Variants in LTF observed in about 807,000 individuals in gnomAD.
LTF encodes the protein lactotransferrin.
LTF carries 91 observed loss-of-function variants against 87.2 expected under a neutral mutation model. The ratio of observed to expected loss-of-function variants is 1.04; its 90% CI spans 0.88 to 1.24. The LOEUF is 1.24. Ranked by LOEUF, LTF falls within the 50% of genes most tolerant of loss-of-function variation. LTF has a pLI of 0.00. For synonymous variants in LTF, 378 were observed against 356.1 expected (o/e 1.06, Z -0.69); for missense variants, 901 against 904.3 (o/e 1.00, Z 0.05).
At chr3:46,482,663 G>GA (rs1559614838) in intron 1 of LTF, among the ~76,000 whole-genome samples, 1 of 27,100 alleles carries the variant, frequency 3.7e-5, no homozygotes, top group Non-Finnish European at 7.4e-5. Flanking sequence ...AAAGAAAGAA[G>GA]GAAGGAAGGA....
intron 1 of LTF, among the ~76,000 whole-genome samples, chr3:46,482,695 G>GGAAGGAAA (rs1559614898): frequency 8.7e-6 from 1 of 114,500 alleles, no homozygotes; most frequent in East Asian, 2.9e-4. Flanking sequence ...AAGGAAGGAA[G>GGAAGGAAA]GAAGGAAGGA....
intron 13 of LTF, among the ~76,000 whole-genome samples, chr3:46,442,867 C>T (rs1008674732): frequency 4.6e-5 from 7 of 152,152 alleles, no homozygotes; most frequent in Admixed American, 2.6e-4. Context: ...AAGCAACACC[C>T]GGATGAATGG....
intron 2 of LTF, among the ~76,000 whole-genome samples, 192 bp downstream of exon 2, chr3:46,459,464 A>G (rs1285161003): frequency 6.6e-6 from 1 of 152,254 alleles, no homozygotes; most frequent in Non-Finnish European, 1.5e-5. Context: ...TTCCTCACAC[A>G]TGGTCTCTTG....
intron 12 of LTF, 104 bp from the exon 13 acceptor site, chr3:46,443,686 C>T: frequency 9.4e-7 from 1 of 1,062,292 alleles, no homozygotes; most frequent in Non-Finnish European, 1.4e-6. Flanking sequence ...TTAGACTTCC[C>T]AGGACAGCAA....
chr3:46,484,321 C>T (rs917344461), intron 1 of LTF, among the ~76,000 whole-genome samples: 72 of 152,210 alleles, frequency 4.7e-4, no homozygotes, highest in African/African-American at 1.7e-3. Context: ...CTTTGGGGAA[C>T]ATCTTCTGAA....
At chr3:46,458,221 ATC>A (rs1394316057) in intron 2 of LTF, among the ~76,000 whole-genome samples, 1 of 152,214 alleles carries the variant, frequency 6.6e-6, no homozygotes, top group African/African-American at 2.4e-5. Context: ...ATTTTAGAAT[ATC>A]TGTTTGTTTC....
Position 46,450,537 on chromosome 3 carries a change from A to C in LTF, c.840T>G (p.Asn280Lys), listed in dbSNP as rs1702777266. 1.2e-6 allele frequency: 2 copies of C among 1,613,888 alleles called. No individual in the cohort carries two copies. Among genetic ancestry groups the C allele is most frequent in the South Asian group, 1.1e-5 (1 of 91,064 alleles). Residue 280 changes from asparagine to lysine, a missense_variant, in exon 7 of 17, where the codon AAT (asparagine) becomes AAG (lysine). By Grantham distance (94) the Asn-to-Lys change is moderately conservative. Coordinates refer to ENST00000231751, the MANE Select transcript of LTF (RefSeq NM_002343.6). Reference sequence around the variant, plus strand: ...GATTCCAGATGGCATCCTCCTTGCCATTCACACTTCGTGCCACAACGGCAT... The same window carrying C: ...GATTCCAGATGGCATCCTCCTTGCCCTTCACACTTCGTGCCACAACGGCAT... Reference protein sequence around the residue: ...PSHAVVARSVNGKEDAIWNLL... With the variant: ...PSHAVVARSVKGKEDAIWNLL...
intron 5 of LTF, 93 bp from the exon 6 acceptor site, chr3:46,454,453 T>C: frequency 1.8e-6 from 2 of 1,103,876 alleles, no homozygotes; most frequent in Non-Finnish European, 1.4e-6. Context: ...CATCTATGGG[T>C]TTCTACTCCC....
At chr3:46,450,466 C>T (rs1702775052) in intron 7 of LTF, 29 bp downstream of exon 7, 1 of 1,584,220 alleles carries the variant, frequency 6.3e-7, no homozygotes, top group Non-Finnish European at 8.6e-7. Flanking sequence ...CATATCCAAG[C>T]AAGTGGGGAG....
At chr3:46,482,841 G>A (rs1444970916) in intron 1 of LTF, among the ~76,000 whole-genome samples, 1 of 150,776 alleles carries the variant, frequency 6.6e-6, no homozygotes, top group Admixed American at 6.6e-5. Context: ...GAGGAAGGGA[G>A]GGAGGGACAA....
At chr3:46,466,498 A>G (rs1024517976), upstream of LTF, among the ~76,000 whole-genome samples, 13 of 152,184 alleles carry the variant, frequency 8.5e-5, no homozygotes, top group African/African-American at 3.1e-4. Context: ...AGCCATGGAG[A>G]AGCAGGCTCA....
intron 12 of LTF, 93 bp downstream of exon 12, chr3:46,445,188 G>A: frequency 7.6e-7 from 1 of 1,317,802 alleles, no homozygotes; most frequent in South Asian, 1.5e-5. Context: ...CTATCAGCCT[G>A]CAAATCCCCT....
intron 1 of LTF, among the ~76,000 whole-genome samples, chr3:46,482,569 G>A (rs1559614608): frequency 0.069 from 7,294 of 105,978 alleles, 2,190 homozygotes; most frequent in East Asian, 0.14. Context: ...GGAAGGGAAG[G>A]GAAAGGAAAG....
At chr3:46,476,588 A>ATGTTTG (rs1703361675) in intron 1 of LTF, among the ~76,000 whole-genome samples, 1 of 152,234 alleles carries the variant, frequency 6.6e-6, no homozygotes, top group Non-Finnish European at 1.5e-5. Flanking sequence ...CAGATGCACA[A>ATGTTTG]ATCATACATG....
chr3:46,464,782 G>A (rs201904887), intron 1 of LTF, 43 bp downstream of exon 1: 1 of 1,605,976 alleles, frequency 6.2e-7, no homozygotes, highest in Non-Finnish European at 8.5e-7. Flanking sequence ...GGGCGCAGGA[G>A]ACGCCCATCA....
At chr3:46,437,885 A>C in intron 16 of LTF, 55 bp downstream of exon 16, 7 of 1,480,646 alleles carry the variant, frequency 4.7e-6, no homozygotes, top group Non-Finnish European at 6.5e-6. Context: ...TGGCCCTCAA[A>C]CCTTGACCTT....
chr3:46,447,497 C>T (rs1702685431), intron 9 of LTF, 99 bp from the exon 10 acceptor site: 5 of 823,592 alleles, frequency 6.1e-6, no homozygotes, highest in South Asian at 5.6e-5. Flanking sequence ...GTCAGGTGAC[C>T]AGTGAAACAG....
intron 6 of LTF, among the ~76,000 whole-genome samples, chr3:46,451,981 G>T (rs1044352797): frequency 2.0e-5 from 3 of 152,126 alleles, no homozygotes; most frequent in Admixed American, 1.3e-4. Context: ...GCAAAATCAG[G>T]AACAAGGCAA....
chr3:46,484,250 G>T (rs1464620096), intron 1 of LTF, among the ~76,000 whole-genome samples: 1 of 152,178 alleles, frequency 6.6e-6, no homozygotes, highest in African/African-American at 2.4e-5. Context: ...CTGGGGCCTG[G>T]GCTCTGGCTA....
Sources: allele counts gnomAD v4.1 joint callset (sites outside exome capture counted in the v4.1 genomes callset), GRCh38; gene constraint gnomAD v4.1.1; transcripts MANE v1.5; gene names NCBI Gene and HGNC (gene_info 2026-07-23, HGNC 2026-07-21).